The following FAM91A1 variants were observed in gnomAD, a reference collection of about 807,000 sequenced individuals.
FAM91A1 encodes the protein family with sequence similarity 91 member A1.
FAM91A1 carries 41 observed loss-of-function variants against 113.5 expected under a neutral mutation model. The ratio of observed to expected loss-of-function variants is 0.36; its 90% CI spans 0.28 to 0.47. The LOEUF (loss-of-function observed/expected upper bound fraction) is 0.47, where lower values mean the gene tolerates loss of function less well. Ranked by LOEUF, FAM91A1 falls within the 20% of genes least tolerant of loss-of-function variation. The pLI is 1.00. For missense variants in FAM91A1, 696 were observed against 1,001.2 expected (o/e 0.70, Z 4.11); for synonymous variants, 307 against 347.9 (o/e 0.88, Z 1.31).
intron 3 of FAM91A1, among the ~76,000 whole-genome samples, chr8:123,775,792 C>A (rs1200865180): frequency 3.3e-5 from 5 of 151,972 alleles, no homozygotes; most frequent in Non-Finnish European, 5.9e-5. Context: ...TGGTGAAACC[C>A]CGTCTCTACT....
chr8:123,773,246 G>T (rs1447547010), intron 1 of FAM91A1, among the ~76,000 whole-genome samples: 2 of 152,156 alleles, frequency 1.3e-5, no homozygotes, highest in Admixed American at 6.5e-5. Flanking sequence ...TTTGGTTTTG[G>T]CTTACCTATG....
chr8:123,797,422 C>T (rs182026839), intron 15 of FAM91A1, among the ~76,000 whole-genome samples: 36 of 152,258 alleles, frequency 2.4e-4, no homozygotes, highest in African/African-American at 8.4e-4. Flanking sequence ...CCTCTCCTGC[C>T]TCCCCTTCCA....
chr8:123,782,113 A>G lies in FAM91A1; in HGVS notation c.703+1571A>G, dbSNP rs7839037. On this transcript the variant is annotated intron_variant, in intron 8 of 23. Coordinates refer to ENST00000334705, the MANE Select transcript of FAM91A1 (RefSeq NM_144963.4). ...GACTCACATTAGAGTAACTTTTAAT[A>G]TTACTTATGGCTAAACTAAATTCAT... Among the ~76,000 whole-genome samples the G allele has an allele frequency of 5.7e-3, 868 of 152,334 alleles. 4 individuals are homozygous for G. The highest frequency in any genetic ancestry group is 0.02 in the African/African-American group (820 of 41,578).
intron 8 of FAM91A1, among the ~76,000 whole-genome samples, chr8:123,782,887 T>A (rs550029715): frequency 6.6e-6 from 1 of 152,226 alleles, no homozygotes; most frequent in South Asian, 2.1e-4. Context: ...AGGGGGTAAC[T>A]GGCCAAGCAC....
chr8:123,791,436 T>C (rs1815381819), intron 15 of FAM91A1, among the ~76,000 whole-genome samples: 1 of 152,116 alleles, frequency 6.6e-6, no homozygotes, highest in South Asian at 2.1e-4. Context: ...TACCATGAAG[T>C]AAGTTAAATG....
At chr8:123,795,423 T>C (rs1035114532) in intron 15 of FAM91A1, among the ~76,000 whole-genome samples, 5 of 149,876 alleles carry the variant, frequency 3.3e-5, no homozygotes, top group Middle Eastern at 3.4e-3. Context: ...GATCGTGAGT[T>C]CTCACGAGAT....
At chr8:123,806,428 G>A (rs1815814295) in intron 20 of FAM91A1, among the ~76,000 whole-genome samples, 199 bp downstream of exon 20, 1 of 152,096 alleles carries the variant, frequency 6.6e-6, no homozygotes, top group Non-Finnish European at 1.5e-5. Flanking sequence ...ATAGGATTGG[G>A]GTACAGAATG....
At position 123,805,252 on chromosome 8, in the gene FAM91A1, T is replaced by C. The variant is rs1815773963; in HGVS notation, c.1810-15T>C. 1 of 1,599,074 alleles carries C rather than the reference T, an allele frequency of 6.3e-7. No homozygotes were observed. On this transcript the variant is annotated splice_polypyrimidine_tract_variant and intron_variant, in intron 18 of 23. Transcript: ENST00000334705. Reference sequence around the variant, plus strand: ...AAGGTTTCTTGTATACCTTTTAACTTTTGTTTATGTTTAGGGGCATGGTCT... The same window carrying C: ...AAGGTTTCTTGTATACCTTTTAACTCTTGTTTATGTTTAGGGGCATGGTCT...
intron 6 of FAM91A1, 27 bp downstream of exon 6, chr8:123,778,799 G>A (rs1815049908): frequency 7.5e-7 from 1 of 1,341,954 alleles, no homozygotes; most frequent in Admixed American, 2.8e-5. Flanking sequence ...GTTAAACATA[G>A]AATTTTTATT....
chr8:123,805,392 T>C (rs914148652), intron 19 of FAM91A1, 53 bp downstream of exon 19: 13 of 1,358,018 alleles, frequency 9.6e-6, no homozygotes, highest in South Asian at 3.9e-5. Context: ...TTATTACTCA[T>C]GTCAACAGTT....
chr8:123,798,203 A>G lies in FAM91A1; in HGVS notation c.1525A>G (p.Asn509Asp). Residue 509 changes from asparagine to aspartate, a missense_variant, in exon 16 of 24, where the codon AAT becomes GAT. Coordinates refer to ENST00000334705, the MANE Select transcript of FAM91A1 (RefSeq NM_144963.4). Reference protein sequence around the residue: ...TLLVSMAPLTNEIRPVSSCTP... With the variant: ...TLLVSMAPLTDEIRPVSSCTP... ...GCTTGTTTCCATGGCTCCCCTCACC[A>G]ATGAAATCCGGCCTGTCAGCAGCTG... 2 of 1,614,100 alleles carry G rather than the reference A, an allele frequency of 1.2e-6. No homozygotes were observed. The highest frequency in any genetic ancestry group is 8.5e-7 in the Non-Finnish European group (1 of 1,179,982).
chr8:123,797,958 C>A, intron 15 of FAM91A1, 132 bp from the exon 16 acceptor site: 2 of 1,046,852 alleles, frequency 1.9e-6, no homozygotes, highest in Non-Finnish European at 2.7e-6. Context: ...AAATTTGGTA[C>A]TTCTTAATAG....
intron 4 of FAM91A1, 97 bp from the exon 5 acceptor site, chr8:123,777,928 A>T: frequency 1.0e-6 from 1 of 1,001,634 alleles, no homozygotes; most frequent in South Asian, 1.5e-5. Flanking sequence ...TAATTGAAAG[A>T]TGAAAATAAG....
Position 123,814,041 on chromosome 8 carries a change from C to A in FAM91A1, c.*1337C>A. ...ATATATGCCTTTCCTAAAACTTAAC[C>A]ATGCATTCAATACCATGGCCTATCT... On this transcript the variant is annotated 3_prime_UTR_variant, in exon 24 of 24. Coordinates refer to ENST00000334705, the MANE Select transcript of FAM91A1 (RefSeq NM_144963.4). 2 of 294,244 alleles carry A rather than the reference C, an allele frequency of 6.8e-6. No individual in the cohort carries two copies. The highest frequency in any genetic ancestry group is 6.6e-6 in the Non-Finnish European group (1 of 152,006). The allele number at this position is 294,244 out of a possible 1,614,324, so 18.2% of individuals were successfully genotyped here.
At chr8:123,781,014 CTT>C in intron 8 of FAM91A1, among the ~76,000 whole-genome samples, 1 of 152,248 alleles carries the variant, frequency 6.6e-6, no homozygotes, top group East Asian at 1.9e-4. Flanking sequence ...TTGTCATACA[CTT>C]TATGGATGTA....
intron 7 of FAM91A1, 74 bp from the exon 8 acceptor site, chr8:123,780,406 C>T (rs1815089736): frequency 1.8e-6 from 2 of 1,107,666 alleles, no homozygotes; most frequent in Admixed American, 2.4e-5. Context: ...TACAGAAAGC[C>T]AGGAATTAGT....
chr8:123,776,171 G>A (rs1330457900), intron 3 of FAM91A1, among the ~76,000 whole-genome samples: 3 of 152,088 alleles, frequency 2.0e-5, no homozygotes, highest in Non-Finnish European at 2.9e-5. Context: ...GGCTTGTATT[G>A]GATAACTTTA....
intron 18 of FAM91A1, among the ~76,000 whole-genome samples, chr8:123,801,750 TAAAAG>T (rs917528703): frequency 3.3e-5 from 5 of 151,284 alleles, no homozygotes; most frequent in African/African-American, 1.2e-4. Context: ...AAGGATGACT[TAAAAG>T]AAGCGAGGTA....
At chr8:123,777,961 T>C (rs759750294) in intron 4 of FAM91A1, 64 bp from the exon 5 acceptor site, 19 of 1,396,036 alleles carry the variant, frequency 1.4e-5, no homozygotes, top group Non-Finnish European at 1.6e-5. Context: ...CTACAATCGC[T>C]TGTGAACATA....
Sources: allele counts gnomAD v4.1 joint callset (sites outside exome capture counted in the v4.1 genomes callset), GRCh38; gene constraint gnomAD v4.1.1; transcripts MANE v1.5; gene names NCBI Gene and HGNC (gene_info 2026-07-23, HGNC 2026-07-21).